PCDH9: variants seen among roughly 807,000 people sequenced by gnomAD.
The protein encoded by PCDH9 is protocadherin 9, also known as protocadherin-9.
A neutral mutation model predicts 70.6 loss-of-function variants in PCDH9; 24 were observed. That is an observed-to-expected ratio of 0.34 (90% CI 0.25 to 0.48). The LOEUF is 0.48. PCDH9 is among the 20% of genes least tolerant of loss of function. The probability of loss-of-function intolerance (pLI) is 0.99; values close to 1 mark genes in which losing one functional copy is unlikely to be tolerated. For synonymous variants in PCDH9, 562 were observed against 558.5 expected, an observed-to-expected ratio of 1.01 and a Z score of -0.09; for missense variants, 1,281 against 1,503.6, an observed-to-expected ratio of 0.85 and a Z score of 2.45.
chr13:66,726,035 T>C (rs1288126281), intron 3 of PCDH9, among the ~76,000 whole-genome samples: 1 of 152,212 alleles, frequency 6.6e-6, no homozygotes, highest in Admixed American at 6.5e-5. Context: ...CAGGGAATAA[T>C]GCTTCATATG....
chr13:66,614,215 C>T (rs529756350), intron 4 of PCDH9, among the ~76,000 whole-genome samples: 4 of 152,066 alleles, frequency 2.6e-5, no homozygotes, highest in Admixed American at 6.5e-5. Flanking sequence ...TAAACTTTGG[C>T]CTAGGGTTAA....
At chr13:66,856,474 C>T (rs1462067476) in intron 3 of PCDH9, among the ~76,000 whole-genome samples, 40 of 152,036 alleles carry the variant, frequency 2.6e-4, no homozygotes, top group Non-Finnish European at 1.5e-5. Context: ...AAAATAGTTT[C>T]TGCCTTGAAA....
chr13:66,631,468 T>G, intron 3 of PCDH9, 57 bp from the exon 4 acceptor site: 27 of 952,974 alleles, frequency 2.8e-5, no homozygotes, highest in Non-Finnish European at 4.2e-5. Flanking sequence ...AAAACAGGCC[T>G]AGTGGAACAC....
chr13:66,555,204 T>C (rs574385466), intron 4 of PCDH9, among the ~76,000 whole-genome samples: 2 of 152,226 alleles, frequency 1.3e-5, no homozygotes, highest in East Asian at 3.9e-4. Flanking sequence ...ATGCTTCTTG[T>C]ATTTTAGTTC....
rs370214321 is a variant in PCDH9 at position 66,306,788 on chromosome 13, T to C, written c.3341-1760A>G. 4.6e-5 allele frequency among the ~76,000 whole-genome samples: 7 copies of C among 151,994 alleles called. No homozygotes were observed. The East Asian group carries it at 7.7e-4, about 17-fold the overall frequency. On this transcript the variant is annotated intron_variant, in intron 4 of 4. Transcript: ENST00000377865. ...ACATACCTCCAATGATTACTCACTT[T>C]TTTGGATATTTAATTTAAACTTCTC... is the stretch of plus-strand genomic sequence containing the variant.
rs117236020 is a variant in PCDH9 at position 66,366,923 on chromosome 13, A to C, written c.3341-61895T>G. ...ACATTTATCATTACAATTTACCTCA[A>C]ACATTACATGCCCAGTAAATCCCAG... is the stretch of plus-strand genomic sequence containing the variant. On this transcript the variant is annotated intron_variant, in intron 4 of 4. Coordinates refer to ENST00000377865, the MANE Select transcript of PCDH9 (RefSeq NM_203487.3). 5.0e-3 allele frequency among the ~76,000 whole-genome samples: 759 copies of C among 152,188 alleles called. 23 individuals carry two copies. The East Asian group carries it at 0.075, about 15-fold the overall frequency.
At chr13:66,390,202 A>G (rs1956992992) in intron 4 of PCDH9, among the ~76,000 whole-genome samples, 1 of 152,206 alleles carries the variant, frequency 6.6e-6, no homozygotes, top group South Asian at 2.1e-4. Flanking sequence ...CTTGCCTCTC[A>G]AACTCTGCGG....
chr13:67,053,697 C>T (rs80247945), intron 2 of PCDH9, among the ~76,000 whole-genome samples: 5,734 of 152,134 alleles, frequency 0.038, 182 homozygotes, highest in South Asian at 0.11. Flanking sequence ...GTATGATTTG[C>T]CTTTTAAGAC....
intron 3 of PCDH9, among the ~76,000 whole-genome samples, chr13:66,808,216 T>A (rs9540919): frequency 0.59 from 89,449 of 151,940 alleles, 26,458 homozygotes; most frequent in East Asian, 0.66. Flanking sequence ...GAGGAAAGAA[T>A]TGTATTTGGG....
At chr13:66,881,864 G>C (rs894313931) in intron 3 of PCDH9, among the ~76,000 whole-genome samples, 3 of 152,174 alleles carry the variant, frequency 2.0e-5, no homozygotes, top group African/African-American at 7.2e-5. Context: ...GTGTTATAGG[G>C]AGGTAGAACA....
At chr13:66,945,348 A>G (rs1193465193) in intron 2 of PCDH9, among the ~76,000 whole-genome samples, 1 of 151,966 alleles carries the variant, frequency 6.6e-6, no homozygotes, top group Non-Finnish European at 1.5e-5. Context: ...CCCTTCTTTG[A>G]GTGCCATATT....
chr13:67,102,326 T>C (rs1352467907), intron 2 of PCDH9, among the ~76,000 whole-genome samples: 1 of 152,136 alleles, frequency 6.6e-6, no homozygotes, highest in Admixed American at 6.6e-5. Context: ...TCTCTAGATC[T>C]TTCTCAGCCT....
At chr13:67,016,386 A>C (rs969460680) in intron 2 of PCDH9, among the ~76,000 whole-genome samples, 1 of 152,188 alleles carries the variant, frequency 6.6e-6, no homozygotes. Flanking sequence ...TTTTATGAGG[A>C]CAAATGAGAT....
At chr13:67,053,240 A>G (rs1305396619) in intron 2 of PCDH9, among the ~76,000 whole-genome samples, 1 of 152,194 alleles carries the variant, frequency 6.6e-6, no homozygotes, top group Non-Finnish European at 1.5e-5. Context: ...GCTTTGTCCA[A>G]AAATAAATGC....
chr13:66,382,178 C>T (rs942702587), intron 4 of PCDH9, among the ~76,000 whole-genome samples: 2 of 152,164 alleles, frequency 1.3e-5, no homozygotes, highest in Non-Finnish European at 2.9e-5. Context: ...AAATCTATTA[C>T]TTGCTAAACT....
chr13:66,671,030 T>C (rs1280914845), intron 3 of PCDH9, among the ~76,000 whole-genome samples: 1 of 152,046 alleles, frequency 6.6e-6, no homozygotes, highest in Non-Finnish European at 1.5e-5. Flanking sequence ...TGGGAGGTAA[T>C]TGAATCATGG....
intron 2 of PCDH9, among the ~76,000 whole-genome samples, chr13:67,147,393 T>TA (rs1298837096): frequency 6.6e-6 from 1 of 152,174 alleles, no homozygotes; most frequent in African/African-American, 2.4e-5. Context: ...ACATCGCAGA[T>TA]ATAAAGCTGG....
At chr13:66,395,429 C>T (rs1205112454) in intron 4 of PCDH9, among the ~76,000 whole-genome samples, 4 of 151,818 alleles carry the variant, frequency 2.6e-5, no homozygotes, top group African/African-American at 7.3e-5. Context: ...GGTGAAACCC[C>T]GTCTCTACCA....
chr13:67,064,382 A>C (rs1007047594), intron 2 of PCDH9, among the ~76,000 whole-genome samples: 1 of 152,186 alleles, frequency 6.6e-6, no homozygotes, highest in Non-Finnish European at 1.5e-5. Context: ...GTACCAGTGC[A>C]AGAGCCTAAA....
Sources: gnomAD v4.1 joint callset for allele counts (sites outside exome capture counted in the v4.1 genomes callset) on GRCh38, gnomAD v4.1.1 for gene constraint, MANE v1.5 for transcripts, NCBI Gene and HGNC (gene_info 2026-07-23, HGNC 2026-07-21) for gene names.